Variants in VPS35L observed in about 807,000 individuals in gnomAD.
VPS35L encodes the protein VPS35 endosomal protein-sorting factor-like.
VPS35L carries 83 observed loss-of-function variants against 133.0 expected under a neutral mutation model. The ratio of observed to expected loss-of-function variants is 0.62; its 90% CI spans 0.52 to 0.75. The LOEUF is 0.75. Ranked by LOEUF, VPS35L falls within the 30% of genes least tolerant of loss-of-function variation. The pLI is 0.00. For missense variants in VPS35L, 1,083 were observed against 1,206.8 expected (o/e 0.90, Z 1.52); for synonymous variants, 423 against 449.9 (o/e 0.94, Z 0.76).
At chr16:19,593,286 C>T (rs923090977) in intron 8 of VPS35L, among the ~76,000 whole-genome samples, 11 of 152,244 alleles carry the variant, frequency 7.2e-5, no homozygotes, top group African/African-American at 1.7e-4. Context: ...GAAATAGGGG[C>T]GCCTTCTGAG....
Position 19,699,360 on chromosome 16 carries a change from G to C in VPS35L, c.2647-142G>C. 1.9e-6 allele frequency: 2 copies of C among 1,056,688 alleles called. No individual in the cohort carries two copies. The highest frequency in any genetic ancestry group is 2.7e-6 in the Non-Finnish European group (2 of 738,386). The allele number at this position is 1,056,688 out of a possible 1,614,324, so 65.5% of individuals were successfully genotyped here. ...AGCTGGGACTTTGGGAGGTTCAGCA[G>C]CTTGCCCTACAGCAAATACATGGCA... On this transcript the variant is annotated intron_variant, in intron 29 of 30. Transcript: ENST00000417362. The surrounding 1 kb of genome is among the most constrained non-coding windows in gnomAD (Gnocchi z 4.2).
chr16:19,574,642 T>C (rs777752996), intron 4 of VPS35L, among the ~76,000 whole-genome samples: 59 of 152,190 alleles, frequency 3.9e-4, no homozygotes, highest in Non-Finnish European at 7.4e-4. Context: ...AGAGCAGTGA[T>C]TCTCAACCAG....
chr16:19,587,480 T>C (rs1472165277), intron 7 of VPS35L: 1 of 336,024 alleles, frequency 3.0e-6, no homozygotes, highest in African/African-American at 2.3e-5. Context: ...AAATACAGAA[T>C]TAGCTGTGTG....
At chr16:19,560,607 C>G (rs1260914362) in intron 1 of VPS35L, among the ~76,000 whole-genome samples, 1 of 151,862 alleles carries the variant, frequency 6.6e-6, no homozygotes, top group East Asian at 1.9e-4. Context: ...ACCAGCCTGG[C>G]CAAAATGGTG....
intron 14 of VPS35L, among the ~76,000 whole-genome samples, chr16:19,621,331 G>C (rs568225931): frequency 2.6e-5 from 4 of 152,302 alleles, no homozygotes; most frequent in Non-Finnish European, 5.9e-5. Flanking sequence ...AAGTTGGGAG[G>C]GGGGGACATT....
At chr16:19,574,175 A>C (rs1236450577) in intron 4 of VPS35L, among the ~76,000 whole-genome samples, 1 of 152,270 alleles carries the variant, frequency 6.6e-6, no homozygotes, top group East Asian at 1.9e-4. Flanking sequence ...ACGCTGGAGA[A>C]AAGTCTCGAG....
At chr16:19,682,029 C>T (rs1167371207) in intron 27 of VPS35L, among the ~76,000 whole-genome samples, 196 bp from the exon 28 acceptor site, 1 of 152,108 alleles carries the variant, frequency 6.6e-6, no homozygotes, top group Non-Finnish European at 1.5e-5. Flanking sequence ...CGTGTTGATT[C>T]GTGGGAATCA....
intron 26 of VPS35L, among the ~76,000 whole-genome samples, chr16:19,666,595 T>G (rs894675765): frequency 3.3e-5 from 5 of 152,136 alleles, no homozygotes; most frequent in African/African-American, 1.2e-4. Flanking sequence ...GAGTGGAAAC[T>G]GGGCGGGGTG....
rs1976031855 is a variant in VPS35L, at chr16:19,699,480, T to TA, written c.2647-20dup. The TA allele has an allele frequency of 6.2e-7, 1 of 1,613,612 alleles. No individual in the cohort carries two copies. Among genetic ancestry groups the TA allele is most frequent in the Non-Finnish European group, 8.5e-7 (1 of 1,179,678 alleles). On this transcript the variant is annotated intron_variant, in intron 29 of 30. Transcript: ENST00000417362. This position sits in a 1 kb window ranked among gnomAD's most constrained non-coding sequence, Gnocchi z 4.2. Reference sequence around the variant, plus strand: ...CGGCCTGAGCCCCAGTGCAAGGCAGTAACCTCCCTTTTCTGTTTCAGGCCC... The same window carrying TA: ...CGGCCTGAGCCCCAGTGCAAGGCAGTAAACCTCCCTTTTCTGTTTCAGGCCC...
intron 3 of VPS35L, 27 bp downstream of exon 3, chr16:19,569,618 AG>A (rs555175883): frequency 8.5e-5 from 128 of 1,510,418 alleles, no homozygotes; most frequent in Non-Finnish European, 1.0e-4. Context: ...ATGGTCGTCC[AG>A]TGGGGGTTGG....
At chr16:19,654,370 G>A (rs1482438428) in intron 26 of VPS35L, among the ~76,000 whole-genome samples, 1 of 146,006 alleles carries the variant, frequency 6.8e-6, no homozygotes. Context: ...GTCCTCACTA[G>A]GACAGGCACG....
intron 4 of VPS35L, among the ~76,000 whole-genome samples, chr16:19,573,919 C>T (rs1971457791): frequency 1.3e-5 from 2 of 152,054 alleles, no homozygotes; most frequent in Non-Finnish European, 1.5e-5. Flanking sequence ...CTGGGTTTTC[C>T]CCTGGAGCTG....
In VPS35L at chr16:19,625,074, TA is replaced by T. The variant is rs34264684; in HGVS notation, c.1225-1091del. 3.9e-3 allele frequency among the ~76,000 whole-genome samples: 582 copies of T among 148,384 alleles called. 4 individuals carry two copies. Among genetic ancestry groups the T allele is most frequent in the African/African-American group, 0.013 (524 of 40,586 alleles). On this transcript the variant is annotated intron_variant, in intron 14 of 30. Coordinates refer to ENST00000417362, the MANE Select transcript of VPS35L (RefSeq NM_020314.7). ...AGCCATTAACAGTATTCCAATGAGT[TA>T]AAAAAAAAAAATCTGCTTCCTTTGG...
intron 27 of VPS35L, among the ~76,000 whole-genome samples, chr16:19,674,582 C>G (rs148268671): frequency 2.0e-5 from 3 of 151,748 alleles, no homozygotes; most frequent in Non-Finnish European, 2.9e-5. Context: ...GGCGAGAACA[C>G]TTAAGGTGAG....
chr16:19,640,189 C>T (rs1049403801), intron 21 of VPS35L, 89 bp downstream of exon 21: 4 of 1,171,204 alleles, frequency 3.4e-6, no homozygotes, highest in Non-Finnish European at 3.7e-6. Flanking sequence ...ACTTTGAGGC[C>T]GAGTGATGTG....
intron 14 of VPS35L, among the ~76,000 whole-genome samples, chr16:19,625,106 GC>G (rs777802807): frequency 1.6e-4 from 24 of 152,092 alleles, no homozygotes; most frequent in Non-Finnish European, 3.4e-4. Flanking sequence ...TTTGGCGGAG[GC>G]GGGGAAAATA....
At chr16:19,579,201 G>A (rs1265163837) in intron 6 of VPS35L, 73 bp downstream of exon 6, 24 of 1,361,582 alleles carry the variant, frequency 1.8e-5, no homozygotes, top group East Asian at 2.4e-5. Flanking sequence ...GATCAACCTC[G>A]GTGGCTGCTC....
rs529026060 is a variant in VPS35L at position 19,629,867 on chromosome 16, T to C, written c.1554+47T>C. The C allele has an allele frequency of 8.3e-6, 13 of 1,561,234 alleles. 1 individual carries two copies. The South Asian group carries it at 1.3e-4, about 16-fold the overall frequency. ...TTTTTGAAAGAATTAGATTTTTTCA[T>C]GTTTATAATAGTGAATTAGCCTAGT... On this transcript the variant is annotated intron_variant, in intron 18 of 30. Transcript: ENST00000417362.
At position 19,573,057 on chromosome 16, in the gene VPS35L, A is replaced by G. The variant is rs56839813; in HGVS notation, c.286-62A>G. ...AGGACTATCTGGCTTCTATTTATATATGTATATATTTAAAGATCAAAATGA... is the reference window on the plus strand; with the variant it reads ...AGGACTATCTGGCTTCTATTTATATGTGTATATATTTAAAGATCAAAATGA... On this transcript the variant is annotated intron_variant, in intron 3 of 30. Transcript: ENST00000417362. 1,682 of 1,531,256 alleles carry G rather than the reference A, an allele frequency of 1.1e-3. 22 individuals carry two copies. The African/African-American group carries it at 0.02, about 18-fold the overall frequency. 94.9% of individuals were successfully genotyped at this position (1,531,256 alleles called of 1,614,324 possible). A position where few individuals can be genotyped will look rare whatever the true frequency, so the allele number is the denominator to read the frequency against.
Sources: gnomAD v4.1 joint callset for allele counts (sites outside exome capture counted in the v4.1 genomes callset) on GRCh38, gnomAD v4.1.1 for gene constraint, Gnocchi (gnomAD v3.1) non-coding constraint, MANE v1.5 for transcripts, NCBI Gene and HGNC (gene_info 2026-07-23, HGNC 2026-07-21) for gene names.